PDXDC1: variants seen among roughly 807,000 people sequenced by gnomAD.
PDXDC1 encodes the protein pyridoxal-dependent decarboxylase domain-containing protein 1.
Under a neutral mutation model 100.1 loss-of-function variants are expected in PDXDC1, and 42 were observed. The observed-to-expected ratio is 0.42, with a 90% CI of 0.33 to 0.54. The LOEUF is 0.54. Ranked by LOEUF, PDXDC1 falls within the 20% of genes least tolerant of loss-of-function variation. PDXDC1 has a pLI of 0.10. For missense variants in PDXDC1, 636 were observed against 979.2 expected (o/e 0.65, Z 4.68); for synonymous variants, 260 against 371.7 (o/e 0.70, Z 3.46).
chr16:15,044,215 T>A, intron 16 of PDXDC1: 1 of 682,712 alleles, frequency 1.5e-6, no homozygotes. Flanking sequence ...TGTTTCTCTG[T>A]GCTGCTCCAA....
intron 1 of PDXDC1, among the ~76,000 whole-genome samples, chr16:14,983,797 T>C (rs1188790249): frequency 3.3e-5 from 5 of 152,272 alleles, no homozygotes; most frequent in African/African-American, 4.8e-5. Flanking sequence ...TTACAACAAA[T>C]AGACCCATTT....
At chr16:15,054,911 A>C (rs2044442159) in intron 16 of PDXDC1, among the ~76,000 whole-genome samples, 1 of 152,122 alleles carries the variant, frequency 6.6e-6, no homozygotes, top group African/African-American at 2.4e-5. Flanking sequence ...TCCCCAACCC[A>C]ACACACTTGG....
downstream of PDXDC1, among the ~76,000 whole-genome samples, chr16:15,143,147 C>T (rs943223200): frequency 1.3e-5 from 2 of 152,166 alleles, no homozygotes; most frequent in African/African-American, 2.4e-5. Flanking sequence ...CAGCGCCGAG[C>T]GTCCGATCTG....
intron 8 of PDXDC1, among the ~76,000 whole-genome samples, chr16:15,012,228 C>T (rs1274268276): frequency 5.3e-5 from 8 of 152,286 alleles, no homozygotes; most frequent in East Asian, 1.9e-4. Flanking sequence ...CTTAGCCTCC[C>T]GAGTACCTGG....
intron 1 of PDXDC1, chr16:14,989,923 C>A: frequency 6.7e-7 from 1 of 1,501,742 alleles, no homozygotes; most frequent in South Asian, 1.2e-5. Context: ...ACCGCCTCGC[C>A]GCGCTCCCGC....
At chr16:15,072,436 G>C (rs919370443) in intron 16 of PDXDC1, among the ~76,000 whole-genome samples, 1 of 152,146 alleles carries the variant, frequency 6.6e-6, no homozygotes, top group East Asian at 1.9e-4. Flanking sequence ...GTGACCAAAA[G>C]GCAGGATGAC....
intron 16 of PDXDC1, among the ~76,000 whole-genome samples, chr16:15,089,377 A>C (rs1598003638): frequency 6.6e-6 from 1 of 152,186 alleles, no homozygotes; most frequent in African/African-American, 2.4e-5. Context: ...GGACACAGGT[A>C]GATTTCAAAG....
At chr16:15,140,942 C>G (rs915306237), downstream of PDXDC1, among the ~76,000 whole-genome samples, 15 of 152,258 alleles carry the variant, frequency 9.9e-5, no homozygotes, top group Admixed American at 9.1e-4. Context: ...CCACGAGTGA[C>G]CCAGCAGGTG....
At chr16:15,083,762 G>A (rs1253599698) in intron 16 of PDXDC1, 6 of 716,606 alleles carry the variant, frequency 8.4e-6, no homozygotes, top group Non-Finnish European at 1.1e-5. Flanking sequence ...TGTTGCCCAG[G>A]CTGGAGTGCA....
At position 15,033,388 on chromosome 16, in the gene PDXDC1, G is replaced by A. The variant is rs1199035893; in HGVS notation, c.1801G>A (p.Glu601Lys). 2 of 1,614,020 alleles carry A rather than the reference G, an allele frequency of 1.2e-6. No homozygotes were observed. Among genetic ancestry groups the A allele is most frequent in the Non-Finnish European group, 1.7e-6 (2 of 1,180,014 alleles). The change falls in exon 19 of 23, where the codon GAG (glutamate) becomes AAG (lysine). Residue 601 changes from glutamate (E) to lysine (K), a missense_variant. By Grantham distance (56) the Glu-to-Lys change is moderately conservative. Transcript: ENST00000396410. Reference protein sequence around the residue: ...TIAATAREIEENSRLLENMTE... With the variant: ...TIAATAREIEKNSRLLENMTE... ...TGCGGCCACAGCCCGGGAGATAGAGGAGAACTCGAGGGTCCGTAGCACCCA... is the reference window on the plus strand; with the variant it reads ...TGCGGCCACAGCCCGGGAGATAGAGAAGAACTCGAGGGTCCGTAGCACCCA...
intron 16 of PDXDC1, among the ~76,000 whole-genome samples, chr16:15,132,532 C>G (rs2151920469): frequency 6.6e-6 from 1 of 150,834 alleles, no homozygotes; most frequent in Admixed American, 6.6e-5. Context: ...GAGAGGCACC[C>G]TGCGTTCACA....
intron 16 of PDXDC1, among the ~76,000 whole-genome samples, chr16:15,079,732 A>G (rs1227711150): frequency 1.3e-5 from 2 of 152,068 alleles, no homozygotes; most frequent in Non-Finnish European, 2.9e-5. Context: ...AGCTGGGATT[A>G]CAGGCACCCA....
intron 16 of PDXDC1, among the ~76,000 whole-genome samples, chr16:15,049,583 C>T (rs2044217845): frequency 6.6e-6 from 1 of 152,122 alleles, no homozygotes; most frequent in Non-Finnish European, 1.5e-5. Context: ...TGTGCGCCAC[C>T]ATGCCCAGCT....
intron 16 of PDXDC1, chr16:15,047,529 G>C: frequency 6.2e-7 from 1 of 1,613,722 alleles, no homozygotes; most frequent in Non-Finnish European, 8.5e-7. Context: ...GTCACAATGT[G>C]TCAAGCAGGT....
At chr16:15,063,110 A>C in intron 16 of PDXDC1, 1 of 1,010,636 alleles carries the variant, frequency 9.9e-7, no homozygotes, top group Non-Finnish European at 1.6e-6. Context: ...GATTACACGC[A>C]CGAACGACTT....
At chr16:14,999,358 C>T (rs1972667933) in intron 3 of PDXDC1, among the ~76,000 whole-genome samples, 1 of 152,142 alleles carries the variant, frequency 6.6e-6, no homozygotes, top group Non-Finnish European at 1.5e-5. Flanking sequence ...TAAGCCACCG[C>T]ACCTGGCCAA....
the PDXDC1 span, among the ~76,000 whole-genome samples, chr16:15,148,093 A>C: frequency 6.7e-6 from 1 of 149,864 alleles, no homozygotes; most frequent in Non-Finnish European, 1.5e-5. Flanking sequence ...GACTCAGGGA[A>C]TCCTCCCCCC....
chr16:15,072,567 A>C (rs1357499250), intron 16 of PDXDC1, among the ~76,000 whole-genome samples: 1 of 152,120 alleles, frequency 6.6e-6, no homozygotes, highest in East Asian at 1.9e-4. Context: ...TTTGCGGGGC[A>C]GGAGGCGGGC....
chr16:15,044,335 AAG>A, intron 16 of PDXDC1: 1 of 1,604,084 alleles, frequency 6.2e-7, no homozygotes, highest in Non-Finnish European at 8.5e-7. Context: ...TGAACTTACT[AAG>A]AAGTTGATGA....
Sources: gnomAD v4.1 joint callset for allele counts (sites outside exome capture counted in the v4.1 genomes callset) on GRCh38, gnomAD v4.1.1 for gene constraint, MANE v1.5 for transcripts, NCBI Gene and HGNC (gene_info 2026-07-23, HGNC 2026-07-21) for gene names.